The following INSC variants were observed in gnomAD, a reference collection of about 807,000 sequenced individuals.
INSC encodes protein inscuteable homolog.
Under a neutral mutation model 58.6 loss-of-function variants are expected in INSC, and 67 were observed. The ratio of observed to expected loss-of-function variants is 1.14; its 90% confidence interval spans 0.94 to 1.40. The LOEUF (loss-of-function observed/expected upper bound fraction) is 1.40. Ranked by LOEUF, INSC falls within the 40% of genes most tolerant of loss-of-function variation. The pLI is 0.00. For missense variants in INSC, 714 were observed against 692.0 expected (o/e 1.03, Z -0.36); for synonymous variants, 262 against 276.1 (o/e 0.95, Z 0.51).
chr11:15,181,115 T>C (rs893794459), intron 5 of INSC, among the ~76,000 whole-genome samples: 1 of 152,236 alleles, frequency 6.6e-6, no homozygotes, highest in Non-Finnish European at 1.5e-5. Context: ...GCCGGTCTGC[T>C]TTGCAAATCT....
chr11:15,171,014 C>T (rs1849378602), intron 2 of INSC, among the ~76,000 whole-genome samples: 1 of 152,204 alleles, frequency 6.6e-6, no homozygotes, highest in Non-Finnish European at 1.5e-5. Flanking sequence ...TTAATTCTTA[C>T]ATAGCTTTAA....
At chr11:15,258,033 C>A in the INSC span, among the ~76,000 whole-genome samples, 2 of 152,078 alleles carry the variant, frequency 1.3e-5, no homozygotes, top group Non-Finnish European at 2.9e-5. Flanking sequence ...GCATATGAGA[C>A]CTTTATTTCA....
intron 1 of INSC, among the ~76,000 whole-genome samples, chr11:15,140,181 C>G (rs1048613095): frequency 2.0e-5 from 3 of 152,322 alleles, no homozygotes; most frequent in Admixed American, 1.3e-4. Context: ...TCAGTGAGGA[C>G]ACCTTGACAC....
At chr11:15,223,830 G>A (rs543720330) in intron 8 of INSC, among the ~76,000 whole-genome samples, 2 of 152,238 alleles carry the variant, frequency 1.3e-5, no homozygotes, top group Non-Finnish European at 2.9e-5. Flanking sequence ...TGTTTTTCCA[G>A]TCCTGGGTGG....
chr11:15,217,411 T>C (rs1054086751), intron 7 of INSC, among the ~76,000 whole-genome samples: 4 of 152,044 alleles, frequency 2.6e-5, no homozygotes, highest in African/African-American at 9.7e-5. Flanking sequence ...TATCAGTAGG[T>C]AAGAAAATTG....
At chr11:15,252,115 G>T (rs138173797), downstream of INSC, among the ~76,000 whole-genome samples, 1 of 152,256 alleles carries the variant, frequency 6.6e-6, no homozygotes, top group African/African-American at 2.4e-5. Context: ...CTAAGTGAAA[G>T]AAACTAGTAC....
intron 1 of INSC, among the ~76,000 whole-genome samples, chr11:15,133,855 T>A (rs1341079834): frequency 6.6e-6 from 1 of 152,252 alleles, no homozygotes; most frequent in Admixed American, 6.5e-5. Flanking sequence ...GCATCATTAT[T>A]CATCCTTTAA....
chr11:15,190,774 T>C lies in INSC; in HGVS notation c.653T>C (p.Leu218Pro), dbSNP rs767196584. The change falls in exon 6 of 13, where the codon CTG becomes CCG. Residue 218 changes from leucine (L) to proline (P), a missense_variant. Physicochemically the swap from Leu to Pro is moderately conservative, Grantham distance 98. Coordinates refer to ENST00000379556, the MANE Select transcript of INSC (RefSeq NM_001042536.3). The stretch of plus-strand genomic sequence containing the variant: ...TCCACCACAGGGAACCTGTTCAGCC[T>C]GACCCAGGAGGGGGCTCCCTTGTGC... Reference protein sequence around the residue: ...TESTTGNLFSLTQEGAPLCRI... With the variant: ...TESTTGNLFSPTQEGAPLCRI... The C allele has an allele frequency of 6.2e-7, 1 of 1,613,934 alleles. No individual in the cohort carries two copies. The highest frequency in any genetic ancestry group is 1.1e-5 in the South Asian group (1 of 91,078).
At chr11:15,168,760 A>T (rs1399892328) in intron 2 of INSC, among the ~76,000 whole-genome samples, 1 of 152,210 alleles carries the variant, frequency 6.6e-6, no homozygotes, top group Non-Finnish European at 1.5e-5. Flanking sequence ...GATACTGGTT[A>T]TCCTGGTTGG....
intron 10 of INSC, among the ~76,000 whole-genome samples, chr11:15,237,436 A>G (rs954817965): frequency 6.6e-6 from 1 of 152,230 alleles, no homozygotes; most frequent in Non-Finnish European, 1.5e-5. Context: ...ATTAACATGA[A>G]GCACGTTAGA....
chr11:15,262,719 A>G, the INSC span, among the ~76,000 whole-genome samples: 1 of 151,720 alleles, frequency 6.6e-6, no homozygotes, highest in Non-Finnish European at 1.5e-5. Flanking sequence ...AATTTTGATT[A>G]AAGTGGTTCT....
At chr11:15,157,842 C>T (rs1848869354) in intron 2 of INSC, among the ~76,000 whole-genome samples, 1 of 152,132 alleles carries the variant, frequency 6.6e-6, no homozygotes, top group Non-Finnish European at 1.5e-5. Flanking sequence ...GCTGGGGCCC[C>T]CTTCGATGGG....
At chr11:15,202,964 A>G (rs60945782) in intron 7 of INSC, among the ~76,000 whole-genome samples, 1,617 of 152,328 alleles carry the variant, frequency 0.011, 24 homozygotes, top group African/African-American at 0.031. Context: ...AAAAGGAGAA[A>G]GAGATGCTCG....
intron 12 of INSC, among the ~76,000 whole-genome samples, chr11:15,244,452 C>A (rs1852482921): frequency 6.6e-6 from 1 of 152,180 alleles, no homozygotes; most frequent in African/African-American, 2.4e-5. Context: ...AAACTATCCT[C>A]TCTTTTCACT....
the INSC span, among the ~76,000 whole-genome samples, chr11:15,256,491 ATT>A: frequency 1.4e-5 from 2 of 141,962 alleles, no homozygotes; most frequent in Non-Finnish European, 3.1e-5. Flanking sequence ...ATTTCATTTC[ATT>A]TTTTTTTTTT....
chr11:15,229,149 A>T (rs1851752007), intron 9 of INSC, among the ~76,000 whole-genome samples: 1 of 152,160 alleles, frequency 6.6e-6, no homozygotes, highest in South Asian at 2.1e-4. Flanking sequence ...TGATTATCTT[A>T]TCTAATATAT....
chr11:15,214,043 T>C (rs1851124882), intron 7 of INSC, among the ~76,000 whole-genome samples: 1 of 152,246 alleles, frequency 6.6e-6, no homozygotes, highest in African/African-American at 2.4e-5. Flanking sequence ...ACAGTCCACA[T>C]TAGCATTCTG....
rs1208046828 is a variant in INSC, at chr11:15,116,853, C to CTT, written c.-46+1851_-46+1852insTT. Among the ~76,000 whole-genome samples, 33 of 40,502 alleles carry CTT rather than the reference C, an allele frequency of 8.1e-4. 1 individual carries two copies. Among genetic ancestry groups the CTT allele is most frequent in the East Asian group, 5.0e-3 (5 of 1,010 alleles). 26.6% of individuals were successfully genotyped at this position (40,502 alleles called of 152,430 possible). A position where few individuals can be genotyped will look rare whatever the true frequency, so the allele number is the denominator to read the frequency against. The stretch of plus-strand genomic sequence containing the variant: ...TCTTTCTTTCTTTCTTTCTTTCTCT[C>CTT]TCTCTCTCTCTCTCTCTCTCTCTCC... On this transcript the variant is annotated intron_variant, in intron 1 of 12. Coordinates refer to ENST00000379556, the MANE Select transcript of INSC (RefSeq NM_001042536.3).
intron 10 of INSC, among the ~76,000 whole-genome samples, chr11:15,236,240 G>A (rs530936849): frequency 2.6e-5 from 4 of 151,910 alleles, no homozygotes; most frequent in Admixed American, 1.3e-4. Context: ...CAATAATAGC[G>A]TGACAGTGCC....
Sources: gnomAD v4.1 joint callset for allele counts (sites outside exome capture counted in the v4.1 genomes callset) on GRCh38, gnomAD v4.1.1 for gene constraint, MANE v1.5 for transcripts, NCBI Gene and HGNC (gene_info 2026-07-23, HGNC 2026-07-21) for gene names.